Variants in FOCAD observed in about 807,000 individuals in gnomAD.
The protein encoded by FOCAD is KIAA1797.
A neutral mutation model predicts 225.6 loss-of-function variants in FOCAD; 198 were observed. The ratio of observed to expected loss-of-function variants is 0.88; its 90% CI spans 0.78 to 0.99. The LOEUF is 0.99. FOCAD is among the 50% of genes least tolerant of loss of function. The pLI is 0.00. For synonymous variants in FOCAD, 897 were observed against 755.0 expected, an observed-to-expected ratio of 1.19 and a Z score of -3.08; for missense variants, 2,713 against 2,123.6, an observed-to-expected ratio of 1.28 and a Z score of -5.46.
intron 30 of FOCAD, among the ~76,000 whole-genome samples, chr9:20,947,790 G>C (rs1351389370): frequency 6.6e-6 from 1 of 152,068 alleles, no homozygotes; most frequent in Non-Finnish European, 1.5e-5. Context: ...AGAATTCATT[G>C]GTTTTAAGCT....
intron 18 of FOCAD, among the ~76,000 whole-genome samples, chr9:20,869,431 T>C (rs1318108156): frequency 6.6e-6 from 1 of 152,190 alleles, no homozygotes; most frequent in Admixed American, 6.5e-5. Context: ...TTTCTTTAAA[T>C]TTACTTAAAT....
intron 17 of FOCAD, among the ~76,000 whole-genome samples, chr9:20,866,259 CTTTCCTGCTT>C (rs71932862): frequency 0.17 from 25,415 of 151,786 alleles, 2,622 homozygotes; most frequent in Non-Finnish European, 0.23. Flanking sequence ...GGTCTTTCCC[CTTTCCTGCTT>C]TGCCCCTTCC....
At chr9:20,969,711 A>ATAT (rs61299044) in intron 35 of FOCAD, among the ~76,000 whole-genome samples, 22 of 147,982 alleles carry the variant, frequency 1.5e-4, no homozygotes, top group East Asian at 5.9e-4. Context: ...AATATAAAAA[A>ATAT]ATATATATAT....
At chr9:20,913,011 A>G in intron 23 of FOCAD, 57 bp downstream of exon 23, 3 of 1,392,032 alleles carry the variant, frequency 2.2e-6, no homozygotes, top group South Asian at 2.4e-5. Context: ...CTATGAGGGG[A>G]AAGGTAACTA....
chr9:20,761,931 A>G (rs1829639825), intron 6 of FOCAD, among the ~76,000 whole-genome samples: 1 of 152,198 alleles, frequency 6.6e-6, no homozygotes, highest in African/African-American at 2.4e-5. Context: ...CACCGAAGTG[A>G]TGATTAATCA....
intron 5 of FOCAD, among the ~76,000 whole-genome samples, chr9:20,754,507 C>G (rs1029952779): frequency 1.3e-5 from 2 of 151,068 alleles, no homozygotes; most frequent in South Asian, 4.2e-4. Flanking sequence ...CGATTAACTA[C>G]TTTTCATTCA....
chr9:20,660,051 A>T (rs1442042403), intron 2 of FOCAD, among the ~76,000 whole-genome samples: 3 of 152,188 alleles, frequency 2.0e-5, no homozygotes, highest in Non-Finnish European at 2.9e-5. Context: ...TTTTCAAGAT[A>T]ATGAGTTTGG....
chr9:20,981,756 T>A (rs1037775951), intron 38 of FOCAD, 70 bp downstream of exon 38: 1 of 1,513,158 alleles, frequency 6.6e-7, no homozygotes, highest in Non-Finnish European at 8.9e-7. Context: ...CTTGGCAAAG[T>A]GGGGAGGTGT....
At chr9:20,921,933 A>G (rs1263354845) in intron 24 of FOCAD, among the ~76,000 whole-genome samples, 1 of 152,168 alleles carries the variant, frequency 6.6e-6, no homozygotes, top group Non-Finnish European at 1.5e-5. Context: ...CACGTTTTCT[A>G]CAGAGTAATA....
chr9:20,732,843 A>G (rs1826830827), intron 4 of FOCAD, among the ~76,000 whole-genome samples: 1 of 152,126 alleles, frequency 6.6e-6, no homozygotes, highest in Non-Finnish European at 1.5e-5. Context: ...ACTGAAAGGG[A>G]TATGTCAAAG....
intron 21 of FOCAD, among the ~76,000 whole-genome samples, chr9:20,888,376 A>G (rs989890398): frequency 1.3e-5 from 2 of 151,838 alleles, no homozygotes; most frequent in African/African-American, 4.8e-5. Context: ...TGACCTCATG[A>G]TCCATCTGCC....
chr9:20,930,852 T>C (rs534958856), intron 27 of FOCAD, among the ~76,000 whole-genome samples: 1 of 152,316 alleles, frequency 6.6e-6, no homozygotes, highest in South Asian at 2.1e-4. Flanking sequence ...CTGTTACATA[T>C]CTTGTGTGTG....
intron 15 of FOCAD, among the ~76,000 whole-genome samples, chr9:20,825,047 G>C (rs1274163590): frequency 6.6e-6 from 1 of 151,482 alleles, no homozygotes; most frequent in East Asian, 1.9e-4. Context: ...GTAATGAATA[G>C]CTGTGTGTTT....
chr9:20,862,907 A>T (rs1828905730), intron 16 of FOCAD, 195 bp downstream of exon 16: 2 of 417,748 alleles, frequency 4.8e-6, no homozygotes, highest in Admixed American at 4.5e-5. Context: ...TACATAAAGG[A>T]TACCAACTTT....
intron 30 of FOCAD, 128 bp from the exon 31 acceptor site, chr9:20,948,143 A>G: frequency 1.1e-6 from 1 of 911,762 alleles, no homozygotes; most frequent in Non-Finnish European, 1.5e-6. Context: ...CTGATTTTTC[A>G]TATGACAAAT....
intron 5 of FOCAD, among the ~76,000 whole-genome samples, chr9:20,747,892 T>G (rs1240803760): frequency 6.6e-6 from 1 of 151,760 alleles, no homozygotes; most frequent in Non-Finnish European, 1.5e-5. Context: ...GAAAATGAAC[T>G]GTAGTCTTTA....
intron 3 of FOCAD, among the ~76,000 whole-genome samples, 157 bp from the exon 4 acceptor site, chr9:20,720,223 T>G (rs1243896956): frequency 6.6e-6 from 1 of 152,154 alleles, no homozygotes; most frequent in Non-Finnish European, 1.5e-5. Context: ...GAAAATTGAC[T>G]TCATTTTATT....
chr9:20,769,602 A>G (rs1250057309), intron 7 of FOCAD, among the ~76,000 whole-genome samples: 1 of 152,238 alleles, frequency 6.6e-6, no homozygotes, highest in Non-Finnish European at 1.5e-5. Context: ...TATCTTGCAG[A>G]TAAAGGGCTT....
intron 39 of FOCAD, among the ~76,000 whole-genome samples, chr9:20,982,656 G>A (rs78340828): frequency 6.6e-6 from 1 of 152,314 alleles, no homozygotes; most frequent in Non-Finnish European, 1.5e-5. Flanking sequence ...TGGATAGATG[G>A]ATGAATAACT....
Sources: gnomAD v4.1 joint callset for allele counts (sites outside exome capture counted in the v4.1 genomes callset) on GRCh38, gnomAD v4.1.1 for gene constraint, MANE v1.5 for transcripts, NCBI Gene and HGNC (gene_info 2026-07-23, HGNC 2026-07-21) for gene names.